The following TNIP1 variants were observed in gnomAD, a reference collection of about 807,000 sequenced individuals.
The protein encoded by TNIP1 is TNFAIP3 interacting protein 1, also known as TNFAIP3-interacting protein 1.
TNIP1 carries 22 observed loss-of-function variants against 86.6 expected under a neutral mutation model. The observed-to-expected ratio is 0.25, with a 90% CI of 0.18 to 0.36. The LOEUF is 0.36. Ranked by LOEUF, TNIP1 falls within the 10% of genes least tolerant of loss-of-function variation. The pLI, the probability that TNIP1 is intolerant of heterozygous loss-of-function variation, is 1.00. For synonymous variants in TNIP1, 294 were observed against 313.0 expected, an observed-to-expected ratio of 0.94 and a Z score of 0.64; for missense variants, 709 against 820.6, an observed-to-expected ratio of 0.86 and a Z score of 1.66.
chr5:151,063,822 T>G, intron 2 of TNIP1, 75 bp from the exon 3 acceptor site: 1 of 1,559,798 alleles, frequency 6.4e-7, no homozygotes, highest in Non-Finnish European at 8.7e-7. Flanking sequence ...CCCAGGCCCC[T>G]AACCGTGCTG....
chr5:151,038,474 G>C (rs1757989560), intron 12 of TNIP1, among the ~76,000 whole-genome samples: 1 of 152,194 alleles, frequency 6.6e-6, no homozygotes, highest in African/African-American at 2.4e-5. Context: ...GAGAGGCTAA[G>C]CTGGGACTAG....
chr5:151,034,730 GGGCACGGAA>G, intron 15 of TNIP1: 1 of 463,116 alleles, frequency 2.2e-6, no homozygotes, highest in Non-Finnish European at 4.0e-6. Flanking sequence ...TTGGATACAT[GGGCACGGAA>G]GGCTCATACA....
Position 151,035,604 on chromosome 5 carries a change from T to C in TNIP1, c.1499A>G (p.Gln500Arg). Residue 500 changes from glutamine (Q) to arginine (R), a missense_variant, in exon 14 of 18, where the codon CAG becomes CGG. Coordinates refer to ENST00000521591, the MANE Select transcript of TNIP1 (RefSeq NM_006058.5). ...TACCTGGGCATTTGACAGGGTGACC[T>C]GGGCCTGCAGCTTCTCCACTTGCTT... ...LKKQVEKLQA[Q>R]VTLSNAQLKA... 6.2e-7 allele frequency: 1 copy of C among 1,614,200 alleles called. No individual in the cohort carries two copies. The highest frequency in any genetic ancestry group is 8.5e-7 in the Non-Finnish European group (1 of 1,180,038).
rs555009965 is a variant in TNIP1 at position 151,075,607 on chromosome 5, G to A, written c.-37+5273C>T. Among the ~76,000 whole-genome samples the A allele has an allele frequency of 9.2e-5, 14 of 152,338 alleles. No individual in the cohort carries two copies. In the East Asian group the frequency reaches 2.7e-3, roughly 29 times the overall value. On this transcript the variant is annotated intron_variant, in intron 1 of 17. Coordinates refer to ENST00000521591, the MANE Select transcript of TNIP1 (RefSeq NM_006058.5). ...ATGCAGCATTTGGTTTTCTGTTCCT[G>A]TGTTAATGTGCTTAGGACAATATTT...
intron 12 of TNIP1, 102 bp from the exon 13 acceptor site, chr5:151,037,023 T>C (rs1021893558): frequency 4.3e-6 from 6 of 1,393,496 alleles, no homozygotes; most frequent in African/African-American, 2.9e-5. Flanking sequence ...ATAATCATAC[T>C]AATAATAGCC....
chr5:151,082,363 C>G (rs745749350), upstream of TNIP1, among the ~76,000 whole-genome samples: 3 of 152,172 alleles, frequency 2.0e-5, no homozygotes, highest in Non-Finnish European at 4.4e-5. Context: ...GATGCAAACT[C>G]CAAAGCACCA....
intron 1 of TNIP1, among the ~76,000 whole-genome samples, chr5:151,066,211 A>G (rs1581884648): frequency 6.6e-6 from 1 of 152,250 alleles, no homozygotes; most frequent in Admixed American, 6.5e-5. Context: ...ATAAGGAGCT[A>G]TTTTAGCCAA....
rs577555961 is a variant in TNIP1 at position 151,041,280 on chromosome 5, A to G, written c.1134+1260T>C. 3.1e-4 allele frequency among the ~76,000 whole-genome samples: 47 copies of G among 152,266 alleles called. No individual in the cohort carries two copies. In the South Asian group the frequency reaches 5.2e-3, roughly 17 times the overall value. On this transcript the variant is annotated intron_variant, in intron 11 of 17. Coordinates refer to ENST00000521591, the MANE Select transcript of TNIP1 (RefSeq NM_006058.5). ...GAGACGGGGTTTCACCATGTTGGCC[A>G]GGCTGGTCTCAAGCTCCTGATCTCA...
chr5:151,039,818 C>T (rs1232853237), intron 11 of TNIP1, among the ~76,000 whole-genome samples: 1 of 152,184 alleles, frequency 6.6e-6, no homozygotes, highest in African/African-American at 2.4e-5. Context: ...GAGAGTGCTC[C>T]TCCAGAAAGA....
upstream of TNIP1, among the ~76,000 whole-genome samples, chr5:151,085,687 C>T (rs1453516284): frequency 3.9e-5 from 6 of 152,162 alleles, no homozygotes; most frequent in Admixed American, 3.3e-4. Flanking sequence ...CCCACTCCAG[C>T]GTCTCTCCCC....
intron 5 of TNIP1, 72 bp downstream of exon 5, chr5:151,060,246 C>T: frequency 6.6e-7 from 1 of 1,519,196 alleles, no homozygotes; most frequent in Non-Finnish European, 9.1e-7. Context: ...TTCTGTGCCT[C>T]TCACATGGTA....
Position 151,080,987 on chromosome 5 carries a change from T to C in TNIP1, c.-144A>G, listed in dbSNP as rs1396467046. ...AGGCTCCGGCCCCCCGTAGCACTCC[T>C]AGGGCTCCTGGACGGGGGCAGGGCA... On this transcript the variant is annotated 5_prime_UTR_variant, in exon 1 of 18. Transcript: ENST00000521591. 1.3e-5 allele frequency: 2 copies of C among 151,848 alleles called. No individual in the cohort carries two copies. Among genetic ancestry groups the C allele is most frequent in the African/African-American group, 2.4e-5 (1 of 41,358 alleles). The allele number at this position is 151,848 out of a possible 1,614,324, so 9.4% of individuals were successfully genotyped here. A position where few individuals can be genotyped will look rare whatever the true frequency, so the allele number is the denominator to read the frequency against.
intron 16 of TNIP1, among the ~76,000 whole-genome samples, chr5:151,033,322 C>G (rs1282833597): frequency 6.6e-6 from 1 of 152,000 alleles, no homozygotes; most frequent in Non-Finnish European, 1.5e-5. Flanking sequence ...TACCCATGGC[C>G]TGGGGCCTGG....
At chr5:151,050,833 T>G (rs1159645077) in intron 7 of TNIP1, among the ~76,000 whole-genome samples, 1 of 151,978 alleles carries the variant, frequency 6.6e-6, no homozygotes, top group East Asian at 1.9e-4. Context: ...CCCAGCTAAT[T>G]TTTTTGGTAT....
chr5:151,078,774 T>C (rs946446523), intron 1 of TNIP1, among the ~76,000 whole-genome samples: 1 of 152,156 alleles, frequency 6.6e-6, no homozygotes, highest in Non-Finnish European at 1.5e-5. Context: ...CTTGGCTTGC[T>C]GGAGGGGGAA....
intron 1 of TNIP1, among the ~76,000 whole-genome samples, chr5:151,072,327 C>T (rs1305233840): frequency 6.6e-6 from 1 of 152,166 alleles, no homozygotes; most frequent in Non-Finnish European, 1.5e-5. Context: ...TGGCAATCTG[C>T]CCCACATCAC....
intron 1 of TNIP1, 108 bp downstream of exon 1, chr5:151,080,772 C>T: frequency 6.6e-6 from 1 of 152,518 alleles, no homozygotes. Context: ...GGCCTGGGTG[C>T]ACAAGCCACC....
chr5:151,035,847 C>T, intron 13 of TNIP1, 140 bp from the exon 14 acceptor site: 1 of 996,586 alleles, frequency 1.0e-6, no homozygotes, highest in Non-Finnish European at 1.5e-6. Context: ...ACAGCTACAC[C>T]TCCAGCCTCC....
chr5:151,034,445 TG>T (rs1429922822), intron 15 of TNIP1: 10 of 239,062 alleles, frequency 4.2e-5, no homozygotes, highest in African/African-American at 1.0e-4. Flanking sequence ...CACGGAAGGC[TG>T]GGCACATGGG....
Sources: gnomAD v4.1 joint callset for allele counts (sites outside exome capture counted in the v4.1 genomes callset) on GRCh38, gnomAD v4.1.1 for gene constraint, MANE v1.5 for transcripts, NCBI Gene and HGNC (gene_info 2026-07-23, HGNC 2026-07-21) for gene names.